The following DCUN1D2 variants were observed in gnomAD, a reference collection of about 807,000 sequenced individuals.
DCUN1D2 encodes defective in cullin neddylation 1 domain containing 2.
A neutral mutation model predicts 30.9 loss-of-function variants in DCUN1D2; 29 were observed. That is an observed-to-expected ratio of 0.94 (90% CI 0.70 to 1.28). The LOEUF (loss-of-function observed/expected upper bound fraction) is 1.28, where lower values mean the gene tolerates loss of function less well. Ranked by LOEUF, DCUN1D2 falls within the 50% of genes most tolerant of loss-of-function variation. The pLI is 0.00. For synonymous variants in DCUN1D2, 121 were observed against 115.3 expected (o/e 1.05, Z -0.32); for missense variants, 325 against 316.9 (o/e 1.03, Z -0.19).
chr13:113,482,766 A>T (rs896607098), intron 2 of DCUN1D2, among the ~76,000 whole-genome samples: 5 of 152,316 alleles, frequency 3.3e-5, no homozygotes, highest in African/African-American at 9.6e-5. Flanking sequence ...AACATGGTGA[A>T]ACCCCGTCTC....
chr13:113,462,007 C>T (rs969926103), intron 4 of DCUN1D2, among the ~76,000 whole-genome samples: 4 of 151,798 alleles, frequency 2.6e-5, no homozygotes, highest in Non-Finnish European at 5.9e-5. Flanking sequence ...AATCTCAGCA[C>T]TTTGGGAGGC....
At chr13:113,490,843 C>G (rs1013110760), upstream of DCUN1D2, 1 of 430,352 alleles carries the variant, frequency 2.3e-6, no homozygotes. The surrounding 1 kb of genome is among the most constrained non-coding windows in gnomAD (Gnocchi z 5.2). Context: ...CACGGGAGCT[C>G]GCGCCCCACA....
At position 113,459,435 on chromosome 13, in the gene DCUN1D2, C is replaced by T. The variant is rs377233861; in HGVS notation, c.604-27G>A. On this transcript the variant is annotated intron_variant, in intron 5 of 6. Coordinates refer to ENST00000478244, the MANE Select transcript of DCUN1D2 (RefSeq NM_001014283.2). The stretch of plus-strand genomic sequence containing the variant: ...TAATATATGAGAGAAAAAAAAAACC[C>T]ACCAGGTTTAAAATACAGAGCTTAA... 1.3e-5 allele frequency: 14 copies of T among 1,099,626 alleles called. No individual in the cohort carries two copies. The African/African-American group carries it at 2.2e-4, about 17-fold the overall frequency. 68.1% of individuals were successfully genotyped at this position (1,099,626 alleles called of 1,614,324 possible).
At chr13:113,477,233 G>A (rs774040022) in intron 3 of DCUN1D2, among the ~76,000 whole-genome samples, 2 of 152,076 alleles carry the variant, frequency 1.3e-5, no homozygotes, top group African/African-American at 2.4e-5. Flanking sequence ...AAAAAGCTAA[G>A]GATAAAATAC....
rs1421334108 is a variant in DCUN1D2 at position 113,490,703 on chromosome 13, G to C, written c.-34C>G. 5.0e-6 allele frequency: 6 copies of C among 1,210,808 alleles called. No homozygotes were observed. The South Asian group carries it at 1.6e-4, about 32-fold the overall frequency. The allele number at this position is 1,210,808 out of a possible 1,614,324, so 75.0% of individuals were successfully genotyped here. On this transcript the variant is annotated 5_prime_UTR_variant, in exon 1 of 7. Coordinates refer to ENST00000478244, the MANE Select transcript of DCUN1D2 (RefSeq NM_001014283.2). This position sits in a 1 kb window ranked among gnomAD's most constrained non-coding sequence, Gnocchi z 5.2. The stretch of plus-strand genomic sequence containing the variant: ...CGCCGCCCGCTTCTGGCCGGCCCCG[G>C]CCTTCTGCGCAGGCGCGGCGGCGGC...
chr13:113,487,709 G>C (rs901688639), intron 1 of DCUN1D2, among the ~76,000 whole-genome samples: 7 of 152,204 alleles, frequency 4.6e-5, no homozygotes, highest in African/African-American at 1.7e-4. Flanking sequence ...GGGAGGAGTT[G>C]GGAGTGACTG....
At chr13:113,483,757 CG>C in intron 2 of DCUN1D2, 82 bp downstream of exon 2, 1 of 1,399,756 alleles carries the variant, frequency 7.1e-7, no homozygotes, top group Non-Finnish European at 9.8e-7. Context: ...AGACCTGCCC[CG>C]GCACCAGAAC....
chr13:113,490,686 G>A lies in DCUN1D2; in HGVS notation c.-17C>T, dbSNP rs1291260370. 5.7e-6 allele frequency: 7 copies of A among 1,236,392 alleles called. No individual in the cohort carries two copies. The highest frequency in any genetic ancestry group is 3.2e-5 in the African/African-American group (2 of 62,962). 76.6% of individuals were successfully genotyped at this position (1,236,392 alleles called of 1,614,324 possible). A position where few individuals can be genotyped will look rare whatever the true frequency, so the allele number is the denominator to read the frequency against. On this transcript the variant is annotated 5_prime_UTR_variant, in exon 1 of 7. Transcript: ENST00000478244. The surrounding 1 kb of genome is among the most constrained non-coding windows in gnomAD (Gnocchi z 5.2). ...ACCTACCATCTCCCCCGCGCCGCCC[G>A]CTTCTGGCCGGCCCCGGCCTTCTGC...
At chr13:113,486,815 C>T (rs1357358999) in intron 1 of DCUN1D2, among the ~76,000 whole-genome samples, 2 of 152,212 alleles carry the variant, frequency 1.3e-5, no homozygotes, top group African/African-American at 4.8e-5. Context: ...AGATCAGAAG[C>T]CTTCATTCAG....
chr13:113,486,361 G>A (rs1489555189), intron 1 of DCUN1D2, among the ~76,000 whole-genome samples: 4 of 152,146 alleles, frequency 2.6e-5, no homozygotes, highest in African/African-American at 7.2e-5. Context: ...GGTGGCAGGA[G>A]GGAGAGGATC....
intron 4 of DCUN1D2, among the ~76,000 whole-genome samples, chr13:113,467,098 A>G (rs998517360): frequency 2.6e-5 from 4 of 151,920 alleles, no homozygotes; most frequent in Non-Finnish European, 5.9e-5. Context: ...GTGAGCCACC[A>G]CGCCTGGCCT....
chr13:113,476,805 T>G (rs1031076498), intron 3 of DCUN1D2, among the ~76,000 whole-genome samples: 1 of 152,250 alleles, frequency 6.6e-6, no homozygotes, highest in Non-Finnish European at 1.5e-5. Context: ...ATCTACAATC[T>G]ATCTGAAACT....
At chr13:113,477,010 T>A (rs2044628617) in intron 3 of DCUN1D2, among the ~76,000 whole-genome samples, 1 of 152,240 alleles carries the variant, frequency 6.6e-6, no homozygotes, top group East Asian at 1.9e-4. Context: ...GGTCTATTTA[T>A]CTGATCTGGC....
rs368159727 is a variant in DCUN1D2, at chr13:113,488,531, G to C, written c.3+2136C>G. Among the ~76,000 whole-genome samples, 8 of 152,180 alleles carry C rather than the reference G, an allele frequency of 5.3e-5. No individual in the cohort carries two copies. In the East Asian group the frequency reaches 7.7e-4, roughly 15 times the overall value. ...ATAAAGCTTCTTAGGAAACAAAAAG[G>C]CTCGTCAACTAAAAAACTACAGGGG... On this transcript the variant is annotated intron_variant, in intron 1 of 6. Transcript: ENST00000478244. The surrounding 1 kb of genome is among the most constrained non-coding windows in gnomAD (Gnocchi z 4.3).
At position 113,485,836 on chromosome 13, in the gene DCUN1D2, C is replaced by T. The variant is rs192871270; in HGVS notation, c.4-1780G>A. Among the ~76,000 whole-genome samples the T allele has an allele frequency of 9.6e-4, 146 of 152,212 alleles. 1 individual carries two copies. The highest frequency in any genetic ancestry group is 6.2e-3 in the South Asian group (30 of 4,828). On this transcript the variant is annotated intron_variant, in intron 1 of 6. Transcript: ENST00000478244. ...AACTACCTTCCCGAGCGTCCTAAGC[C>T]GCCACCAGCCTTGCTCACTCTCATT...
chr13:113,483,943 C>T lies in DCUN1D2; in HGVS notation c.117G>A (p.Glu39=), dbSNP rs1281319448. 8 of 1,614,040 alleles carry T rather than the reference C, an allele frequency of 5.0e-6. No homozygotes were observed. Among genetic ancestry groups the T allele is most frequent in the Non-Finnish European group, 6.8e-6 (8 of 1,180,062 alleles). The change falls in exon 2 of 7, where the codon GAG becomes GAA. Residue 39 remains glutamate, a synonymous_variant. Coordinates refer to ENST00000478244, the MANE Select transcript of DCUN1D2 (RefSeq NM_001014283.2). The part of the protein sequence containing the change: ...CLTQNEWRLD[E]ATDSFFQNPD... ...GGTTTTGGAAGAAGCTGTCCGTGGCCTCGTCTAGTCTCCACTCATTCTGCG... is the reference window on the plus strand; with the variant it reads ...GGTTTTGGAAGAAGCTGTCCGTGGCTTCGTCTAGTCTCCACTCATTCTGCG...
chr13:113,457,740 C>A lies in DCUN1D2; in HGVS notation c.*289G>T. On this transcript the variant is annotated 3_prime_UTR_variant, in exon 7 of 7. Coordinates refer to ENST00000478244, the MANE Select transcript of DCUN1D2 (RefSeq NM_001014283.2). ...TGCGGTCCCACAGGCGGCGCTATGG[C>A]TCTACCTTAGTATTTTGTAAATATT... 3.2e-6 allele frequency: 1 copy of A among 310,330 alleles called. No homozygotes were observed. The highest frequency in any genetic ancestry group is 6.1e-6 in the Non-Finnish European group (1 of 163,226). 19.2% of individuals were successfully genotyped at this position (310,330 alleles called of 1,614,324 possible). A position where few individuals can be genotyped will look rare whatever the true frequency, so the allele number is the denominator to read the frequency against.
At chr13:113,484,215 G>T in intron 1 of DCUN1D2, 159 bp from the exon 2 acceptor site, 1 of 1,425,658 alleles carries the variant, frequency 7.0e-7, no homozygotes, top group Non-Finnish European at 9.2e-7. Context: ...GGAAACAACA[G>T]CATCTATACT....
chr13:113,483,685 A>C (rs1250518835), intron 2 of DCUN1D2, among the ~76,000 whole-genome samples, 155 bp downstream of exon 2: 1 of 152,144 alleles, frequency 6.6e-6, no homozygotes, highest in East Asian at 1.9e-4. Context: ...CACAGAAGCA[A>C]GTGGATTCTG....
Sources: allele counts gnomAD v4.1 joint callset (sites outside exome capture counted in the v4.1 genomes callset), GRCh38; gene constraint gnomAD v4.1.1; non-coding constraint Gnocchi (gnomAD v3.1); transcripts MANE v1.5; gene names NCBI Gene and HGNC (gene_info 2026-07-23, HGNC 2026-07-21).